The following NPHS1 variants were observed in gnomAD, a reference collection of about 807,000 sequenced individuals.
NPHS1 encodes the protein NPHS1 adhesion molecule, nephrin, also known as nephrin.
In NPHS1, 107 loss-of-function variants were observed where a neutral mutation model predicts 139.7. The observed-to-expected ratio is 0.77, with a 90% CI of 0.66 to 0.90. The LOEUF (loss-of-function observed/expected upper bound fraction) is 0.90. Among genes scored for constraint, NPHS1 ranks in the 40% least tolerant of loss-of-function variants. The probability of loss-of-function intolerance (pLI) is 0.00; values close to 1 mark genes in which losing one functional copy is unlikely to be tolerated. For missense variants in NPHS1, 1,580 were observed against 1,654.2 expected (o/e 0.96, Z 0.78); for synonymous variants, 707 against 706.6 (o/e 1.00, Z -0.01).
chr19:35,827,497 C>T (rs1599833489), intron 28 of NPHS1, among the ~76,000 whole-genome samples: 1 of 152,094 alleles, frequency 6.6e-6, no homozygotes, highest in Admixed American at 6.6e-5. Flanking sequence ...AAACCAGTAG[C>T]AACCCTTGGT....
chr19:35,845,344 G>A lies in NPHS1; in HGVS notation c.1930+24C>T, dbSNP rs773510642. 1.2e-6 allele frequency: 2 copies of A among 1,613,916 alleles called. No individual in the cohort carries two copies. Among genetic ancestry groups the A allele is most frequent in the Admixed American group, 1.7e-5 (1 of 60,028 alleles). ...TTTAGGGTCAAGAAGGCATCGAGAG[G>A]GGCTTTCAGGCCGGGGCACATACAC... On this transcript the variant is annotated intron_variant, in intron 14 of 28. Coordinates refer to ENST00000378910, the MANE Select transcript of NPHS1 (RefSeq NM_004646.4). This position sits in a 1 kb window ranked among gnomAD's most constrained non-coding sequence, Gnocchi z 5.5.
Position 35,839,578 on chromosome 19 carries a change from C to T in NPHS1, c.2845G>A (p.Val949Ile). 8 of 1,614,122 alleles carry T rather than the reference C, an allele frequency of 5.0e-6. No homozygotes were observed. Among genetic ancestry groups the T allele is most frequent in the Non-Finnish European group, 6.8e-6 (8 of 1,180,024 alleles). ...SRPDPPSGLK[V>I]VSLTPHSVGL... The stretch of plus-strand genomic sequence containing the variant: ...ACGGAGTGTGGGGTCAGACTCACAA[C>T]CTTTAATCCTGATGGAGGGTCAGGG... The change falls in exon 21 of 29, where the codon GTT becomes ATT. Residue 949 changes from valine (V) to isoleucine (I), a missense_variant. By Grantham distance (29) the Val-to-Ile change is conservative. Transcript: ENST00000378910.
At position 35,845,496 on chromosome 19, in the gene NPHS1, C is replaced by A; in HGVS notation, c.1802G>T (p.Gly601Val). 4 of 1,613,460 alleles carry A rather than the reference C, an allele frequency of 2.5e-6. No homozygotes were observed. The highest frequency in any genetic ancestry group is 3.4e-6 in the Non-Finnish European group (4 of 1,179,780). ...AAGGACGCTCCTGGCGGCGGCGGAG[C>A]CTTTGAATGGGGCTCTCCGGGGTGG... ...AAPPRRAPFK[G>V]SAAARSVLLQ... The change falls in exon 14 of 29, where the codon GGC becomes GTC. Residue 601 changes from glycine (G) to valine (V), a missense_variant. Transcript: ENST00000378910. The surrounding 1 kb of genome is among the most constrained non-coding windows in gnomAD (Gnocchi z 5.5).
Position 35,846,095 on chromosome 19 carries a change from C to T in NPHS1, c.1540G>A (p.Val514Met). ...TTGTCCGACGGCCCTGTGACCAGCA[C>T]CAGCTCTCGGGAGAAGGTGCTCCCA... ...KSGSTFSREL[V>M]LVTGPSDNQA... Residue 514 changes from valine (V) to methionine (M), a missense_variant, in exon 12 of 29, where the codon GTG (valine) becomes ATG (methionine). By Grantham distance (21) the Val-to-Met change is conservative. Transcript: ENST00000378910. The T allele has an allele frequency of 6.3e-7, 1 of 1,597,120 alleles. No individual in the cohort carries two copies. Among genetic ancestry groups the T allele is most frequent in the Non-Finnish European group, 8.5e-7 (1 of 1,172,446 alleles).
chr19:35,835,832 T>G (rs1315347016), intron 22 of NPHS1, 71 bp from the exon 23 acceptor site: 1 of 1,372,144 alleles, frequency 7.3e-7, no homozygotes, highest in South Asian at 1.2e-5. Context: ...TTTCTCAGCC[T>G]CTTCTTAAGC....
rs1174084046 is a variant in NPHS1, at chr19:35,841,835, C to T, written c.2695G>A (p.Val899Ile). 9 of 1,613,528 alleles carry T rather than the reference C, an allele frequency of 5.6e-6. No individual in the cohort carries two copies. The highest frequency in any genetic ancestry group is 1.3e-5 in the African/African-American group (1 of 74,928). Residue 899 changes from valine (V) to isoleucine (I), a missense_variant, in exon 20 of 29, where the codon GTC becomes ATC. Coordinates refer to ENST00000378910, the MANE Select transcript of NPHS1 (RefSeq NM_004646.4). Reference sequence around the variant, plus strand: ...GCAATGGTCAGGAGGCTGCTGTGGACACCACCCTGGTGGTATGTGTGCTCC... The same window carrying T: ...GCAATGGTCAGGAGGCTGCTGTGGATACCACCCTGGTGGTATGTGTGCTCC... ...YTEHTYHQGG[V>I]HSSLLTIANV...
At chr19:35,837,007 A>AAAAAG (rs1972971502) in intron 22 of NPHS1, among the ~76,000 whole-genome samples, 2 of 139,058 alleles carry the variant, frequency 1.4e-5, no homozygotes, top group African/African-American at 5.4e-5. Context: ...AAAAAAAAAA[A>AAAAAG]AAAGAAAGAA....
chr19:35,832,323 C>T (rs536790810), intron 23 of NPHS1, among the ~76,000 whole-genome samples: 1 of 152,152 alleles, frequency 6.6e-6, no homozygotes, highest in Non-Finnish European at 1.5e-5. Flanking sequence ...GTGGGAGAAT[C>T]GCTTGAGCCT....
At chr19:35,837,002 A>G (rs889654038) in intron 22 of NPHS1, among the ~76,000 whole-genome samples, 1 of 144,878 alleles carries the variant, frequency 6.9e-6, no homozygotes, top group African/African-American at 2.6e-5. Flanking sequence ...TTGCAAAAAA[A>G]AAAAAAAAGA....
In NPHS1 at chr19:35,848,253, A is replaced by G; in HGVS notation, c.1315T>C (p.Tyr439His). The change falls in exon 10 of 29, where the codon TAT (tyrosine) becomes CAT (histidine). Residue 439 changes from tyrosine to histidine, a missense_variant and splice_region_variant. Transcript: ENST00000378910. ...TTGCTGGGCCAGGGCAGGGGCTCAC[A>G]TTTTACGTTCAGGATGAGCGACTTC... The part of the protein sequence containing the change: ...FKKSLILNVK[Y>H]PAQKLWIEGP... 1.2e-6 allele frequency: 2 copies of G among 1,613,968 alleles called. No individual in the cohort carries two copies. The highest frequency in any genetic ancestry group is 1.7e-6 in the Non-Finnish European group (2 of 1,179,976).
At chr19:35,834,629 C>T (rs1972929724) in intron 23 of NPHS1, among the ~76,000 whole-genome samples, 3 of 152,062 alleles carry the variant, frequency 2.0e-5, no homozygotes, top group African/African-American at 4.8e-5. Context: ...CAGTGGCTCA[C>T]GCCTGTAATC....
rs142883811 is a variant in NPHS1 at position 35,831,052 on chromosome 19, C to A, written c.3481+1G>T. Reference sequence around the variant, plus strand: ...GGAATCCTGACATGGTCCTAACTCACCTCGGGAATAAGACACCTCCTCCTG... The same window carrying A: ...GGAATCCTGACATGGTCCTAACTCAACTCGGGAATAAGACACCTCCTCCTG... On this transcript the variant is annotated splice_donor_variant, in intron 27 of 28. Transcript: ENST00000378910. LOFTEE classifies it high-confidence loss of function. 162 of 1,614,078 alleles carry A rather than the reference C, an allele frequency of 1.0e-4. No homozygotes were observed. The highest frequency in any genetic ancestry group is 1.3e-4 in the Non-Finnish European group (154 of 1,179,974).
chr19:35,829,517 C>A (rs902912748), intron 28 of NPHS1, among the ~76,000 whole-genome samples: 3 of 151,084 alleles, frequency 2.0e-5, no homozygotes, highest in Non-Finnish European at 4.4e-5. Context: ...CAGGCATGCA[C>A]CACCATGCCC....
In NPHS1 at chr19:35,839,386, T is replaced by G. The variant is rs746380730; in HGVS notation, c.2960A>C (p.Tyr987Ser). ...YEALGTPGFH[Y>S]VDVVPPQATT... Reference sequence around the variant, plus strand: ...GGCCTGGGGTGGTACGACATCCACATAGTGGAACCCTGGAGTCCCCAGGGC... The same window carrying G: ...GGCCTGGGGTGGTACGACATCCACAGAGTGGAACCCTGGAGTCCCCAGGGC... The change falls in exon 22 of 29, where the codon TAT becomes TCT. Residue 987 changes from tyrosine to serine, a missense_variant. Transcript: ENST00000378910. 1.2e-5 allele frequency: 20 copies of G among 1,614,140 alleles called. No homozygotes were observed. The highest frequency in any genetic ancestry group is 1.3e-5 in the Non-Finnish European group (15 of 1,179,990).
intron 28 of NPHS1, 112 bp downstream of exon 28, chr19:35,830,732 A>G (rs1972865368): frequency 5.1e-6 from 4 of 790,814 alleles, no homozygotes; most frequent in Non-Finnish European, 9.2e-6. Flanking sequence ...CCACTGGATC[A>G]TGGTCAGGCC....
At chr19:35,838,152 G>A (rs7254683) in intron 22 of NPHS1, among the ~76,000 whole-genome samples, 12 of 151,994 alleles carry the variant, frequency 7.9e-5, no homozygotes, top group Middle Eastern at 3.4e-3. Context: ...GCTGAGGCAG[G>A]AAAATTGCTC....
In NPHS1 at chr19:35,848,745, G is replaced by C; in HGVS notation, c.1062C>G (p.Asn354Lys). ...TGACACAGGAGAGTGTCACGTTCTTGTTCTCAGTCTGGGATGCAGATCCCA... is the reference window on the plus strand; with the variant it reads ...TGACACAGGAGAGTGTCACGTTCTTCTTCTCAGTCTGGGATGCAGATCCCA... ...IILGSASQTE[N>K]KNVTLSCVSK... Residue 354 changes from asparagine (N) to lysine (K), a missense_variant, in exon 9 of 29, where the codon AAC (asparagine) becomes AAG (lysine). Physicochemically the swap from Asn to Lys is moderately conservative, Grantham distance 94. Coordinates refer to ENST00000378910, the MANE Select transcript of NPHS1 (RefSeq NM_004646.4). The C allele has an allele frequency of 6.2e-7, 1 of 1,614,182 alleles. No homozygotes were observed. The highest frequency in any genetic ancestry group is 8.5e-7 in the Non-Finnish European group (1 of 1,180,040).
At chr19:35,840,129 C>T (rs996317922) in intron 20 of NPHS1, among the ~76,000 whole-genome samples, 22 of 151,482 alleles carry the variant, frequency 1.5e-4, no homozygotes, top group Admixed American at 3.3e-4. Flanking sequence ...CTCAGCCTCC[C>T]GAGTAGCTGG....
intron 28 of NPHS1, among the ~76,000 whole-genome samples, chr19:35,830,028 T>G (rs892833274): frequency 9.2e-5 from 14 of 152,156 alleles, no homozygotes; most frequent in Admixed American, 7.9e-4. Context: ...ATTGTATGCC[T>G]TGATTTTTCA....
Sources: gnomAD v4.1 joint callset for allele counts (sites outside exome capture counted in the v4.1 genomes callset) on GRCh38, gnomAD v4.1.1 for gene constraint, Gnocchi (gnomAD v3.1) non-coding constraint, MANE v1.5 for transcripts, NCBI Gene and HGNC (gene_info 2026-07-23, HGNC 2026-07-21) for gene names.